Variants in GRK1 observed in about 807,000 individuals in gnomAD.
GRK1 encodes G protein-coupled receptor kinase 1, also known as rhodopsin kinase GRK1.
A neutral mutation model predicts 41.7 loss-of-function variants in GRK1; 28 were observed. The observed-to-expected ratio is 0.67, with a 90% CI of 0.50 to 0.92. The LOEUF (loss-of-function observed/expected upper bound fraction) is 0.92, where lower values mean the gene tolerates loss of function less well. Among genes scored for constraint, GRK1 ranks in the 40% least tolerant of loss-of-function variants. The probability of loss-of-function intolerance (pLI) is 0.00; values close to 1 mark genes in which losing one functional copy is unlikely to be tolerated. For missense variants in GRK1, 703 were observed against 671.2 expected (o/e 1.05, Z -0.52); for synonymous variants, 327 against 286.7 (o/e 1.14, Z -1.42).
chr13:113,667,120 C>G (rs533187736), upstream of GRK1: 2 of 423,190 alleles, frequency 4.7e-6, no homozygotes, highest in Non-Finnish European at 8.4e-6. This position sits in a 1 kb window ranked among gnomAD's most constrained non-coding sequence, Gnocchi z 7.5. Flanking sequence ...AGGGGATTGT[C>G]TTTTTCTAGC....
rs368202313 is a variant in GRK1, at chr13:113,671,291, T to C, written c.828-208T>C. Among the ~76,000 whole-genome samples, 52 of 152,328 alleles carry C rather than the reference T, an allele frequency of 3.4e-4. No individual in the cohort carries two copies. In the East Asian group the frequency reaches 7.0e-3, roughly 20 times the overall value. ...CACGTGGACAGCACTTTCTCCCTGT[T>C]AGCAGTTGGGGTTCAGGGTCCCTGA... is the stretch of plus-strand genomic sequence containing the variant. On this transcript the variant is annotated intron_variant, in intron 2 of 6. Transcript: ENST00000335678. The surrounding 1 kb of genome is among the most constrained non-coding windows in gnomAD (Gnocchi z 4.1).
intron 5 of GRK1, among the ~76,000 whole-genome samples, chr13:113,732,578 C>T (rs1340832367): frequency 6.6e-6 from 1 of 152,356 alleles, no homozygotes; most frequent in Non-Finnish European, 1.5e-5. Flanking sequence ...TGCTTCTCAG[C>T]TGGGCCCGCG....
At chr13:113,733,917 CGT>C (rs1566700354) in intron 6 of GRK1, among the ~76,000 whole-genome samples, 2 of 62,320 alleles carry the variant, frequency 3.2e-5, no homozygotes, top group African/African-American at 9.8e-5. Context: ...ATACAGTGTG[CGT>C]GTGTGCATGT....
chr13:113,648,641 A>AGAAGTG, the GRK1 span, among the ~76,000 whole-genome samples: 1 of 152,212 alleles, frequency 6.6e-6, no homozygotes, highest in African/African-American at 2.4e-5. Flanking sequence ...TTGGTGAACG[A>AGAAGTG]GAAGTGTGTT....
At chr13:113,652,716 G>A in the GRK1 span, 3 of 796,802 alleles carry the variant, frequency 3.8e-6, no homozygotes, top group Non-Finnish European at 4.3e-6. Flanking sequence ...CACGGGACAG[G>A]TGCGTGCCAA....
intron 4 of GRK1, among the ~76,000 whole-genome samples, chr13:113,728,143 TGAGGAGTACCCATGGC>T (rs2049905508): frequency 1.2e-5 from 1 of 81,928 alleles, no homozygotes; most frequent in African/African-American, 5.5e-5. Context: ...CCCATGGCGA[TGAGGAGTACCCATGGC>T]GATGAGGAAT....
rs1594584460 is a variant in GRK1 at position 113,735,762 on chromosome 13, C to CG, written c.*400dup. The CG allele has an allele frequency of 6.2e-6, 1 of 160,588 alleles. No individual in the cohort carries two copies. Among genetic ancestry groups the CG allele is most frequent in the East Asian group, 1.8e-4 (1 of 5,600 alleles). 9.9% of individuals were successfully genotyped at this position (160,588 alleles called of 1,614,324 possible). A position where few individuals can be genotyped will look rare whatever the true frequency, so the allele number is the denominator to read the frequency against. ...CTTAGCCATTGGCTTCCCAGAGCCA[C>CG]GCTCCTCAGCGGGAGGTGCACGGTG... On this transcript the variant is annotated 3_prime_UTR_variant, in exon 7 of 7. Transcript: ENST00000335678.
the GRK1 span, chr13:113,650,374 T>C: frequency 6.3e-7 from 1 of 1,586,280 alleles, no homozygotes; most frequent in African/African-American, 1.3e-5. This position sits in a 1 kb window ranked among gnomAD's most constrained non-coding sequence, Gnocchi z 5.0. Context: ...TCAGCAGCTG[T>C]GGTGAGGGAA....
chr13:113,734,851 C>T (rs1193099761), intron 6 of GRK1: 5 of 427,044 alleles, frequency 1.2e-5, no homozygotes, highest in East Asian at 7.1e-5. Flanking sequence ...AGGCTTCTTC[C>T]GGCCCCACTC....
In GRK1 at chr13:113,671,773, C is replaced by A; in HGVS notation, c.985+117C>A. ...GACGGCTGTGTGGACGGTGGGGGTTCATGAGGGCTGACGGCTTCGTGGACG... is the reference window on the plus strand; with the variant it reads ...GACGGCTGTGTGGACGGTGGGGGTTAATGAGGGCTGACGGCTTCGTGGACG... On this transcript the variant is annotated intron_variant, in intron 3 of 6. Transcript: ENST00000335678. The surrounding 1 kb of genome is among the most constrained non-coding windows in gnomAD (Gnocchi z 4.1). 1 of 678,422 alleles carries A rather than the reference C, an allele frequency of 1.5e-6. No individual in the cohort carries two copies. The highest frequency in any genetic ancestry group is 1.5e-5 in the South Asian group (1 of 64,610). 42.0% of individuals were successfully genotyped at this position (678,422 alleles called of 1,614,324 possible).
At chr13:113,733,702 TGCGTGTGTGC>T (rs1566699684) in intron 6 of GRK1, among the ~76,000 whole-genome samples, 5 of 144,914 alleles carry the variant, frequency 3.5e-5, no homozygotes, top group African/African-American at 1.3e-4. Flanking sequence ...CATACATGTG[TGCGTGTGTGC>T]GCACGTGTGT....
chr13:113,653,296 C>T, the GRK1 span: 1 of 1,604,764 alleles, frequency 6.2e-7, no homozygotes, highest in Middle Eastern at 1.7e-4. Context: ...CCGCTTCACA[C>T]CTCACCTGCC....
At chr13:113,672,089 A>G (rs2049861269) in intron 3 of GRK1, among the ~76,000 whole-genome samples, 1 of 151,952 alleles carries the variant, frequency 6.6e-6, no homozygotes, top group African/African-American at 2.4e-5. Flanking sequence ...CAGCTGTGGC[A>G]CGGCCGGCCC....
chr13:113,654,877 A>G, the GRK1 span: 16 of 1,614,116 alleles, frequency 9.9e-6, no homozygotes, highest in Non-Finnish European at 1.4e-5. Context: ...ATCAGCACAT[A>G]GAGGCACAGG....
the GRK1 span, among the ~76,000 whole-genome samples, chr13:113,653,996 C>T: frequency 0.047 from 7,175 of 152,196 alleles, 222 homozygotes; most frequent in South Asian, 0.07. Context: ...TAGGAACAGC[C>T]CGCCATCCAC....
chr13:113,655,997 G>C, the GRK1 span, among the ~76,000 whole-genome samples: 2 of 152,228 alleles, frequency 1.3e-5, no homozygotes, highest in Non-Finnish European at 2.9e-5. Context: ...CTCAGGGCTG[G>C]GTCTTGCTCA....
intron 6 of GRK1, among the ~76,000 whole-genome samples, chr13:113,733,786 CATGTGT>C (rs2049967438): frequency 1.8e-5 from 2 of 108,610 alleles, no homozygotes; most frequent in Non-Finnish European, 3.5e-5. Context: ...TACGTGTGTG[CATGTGT>C]GTATGTGTAT....
At chr13:113,730,969 T>G (rs2049932619) in intron 4 of GRK1, among the ~76,000 whole-genome samples, 1 of 151,938 alleles carries the variant, frequency 6.6e-6, no homozygotes, top group African/African-American at 2.4e-5. Context: ...ATGGGGCATT[T>G]TTGGTTGTCA....
chr13:113,649,332 A>G, the GRK1 span: 1 of 1,559,032 alleles, frequency 6.4e-7, no homozygotes, highest in South Asian at 1.2e-5. This position sits in a 1 kb window ranked among gnomAD's most constrained non-coding sequence, Gnocchi z 4.7. Context: ...GGTGTCCTTG[A>G]GCGACCCCGC....
Sources: allele counts gnomAD v4.1 joint callset (sites outside exome capture counted in the v4.1 genomes callset), GRCh38; gene constraint gnomAD v4.1.1; non-coding constraint Gnocchi (gnomAD v3.1); transcripts MANE v1.5; gene names NCBI Gene and HGNC (gene_info 2026-07-23, HGNC 2026-07-21).